Variants in CNTN5 observed in about 807,000 individuals in gnomAD.
CNTN5 encodes contactin 5.
Under a neutral mutation model 129.1 loss-of-function variants are expected in CNTN5, and 77 were observed. The ratio of observed to expected loss-of-function variants is 0.60; its 90% CI spans 0.50 to 0.72. The LOEUF is 0.72. Ranked by LOEUF, CNTN5 falls within the 30% of genes least tolerant of loss-of-function variation. The pLI is 0.00. For synonymous variants in CNTN5, 509 were observed against 465.6 expected (o/e 1.09, Z -1.20); for missense variants, 1,478 against 1,328.8 (o/e 1.11, Z -1.75).
chr11:99,047,014 A>T (rs1307560719), intron 1 of CNTN5, among the ~76,000 whole-genome samples: 2 of 151,940 alleles, frequency 1.3e-5, no homozygotes, highest in African/African-American at 4.8e-5. Context: ...TATATTTATA[A>T]TATACATTTT....
chr11:100,354,639 T>C (rs948285457), intron 24 of CNTN5, among the ~76,000 whole-genome samples: 7 of 151,672 alleles, frequency 4.6e-5, no homozygotes, highest in African/African-American at 1.7e-4. Flanking sequence ...ATAAGTTCTA[T>C]TAAATGCATC....
intron 2 of CNTN5, among the ~76,000 whole-genome samples, chr11:99,422,037 T>A (rs1942910613): frequency 6.6e-6 from 1 of 152,114 alleles, no homozygotes. Context: ...CTACCCTCAC[T>A]AGGTAATTGC....
At chr11:99,764,566 A>C (rs2845952) in intron 3 of CNTN5, among the ~76,000 whole-genome samples, 23 of 151,766 alleles carry the variant, frequency 1.5e-4, no homozygotes, top group Non-Finnish European at 2.7e-4. Context: ...ATAGGCATGC[A>C]CCACCATACC....
intron 1 of CNTN5, among the ~76,000 whole-genome samples, chr11:99,228,954 C>CATT (rs879266195): frequency 0.017 from 2,639 of 151,792 alleles, 42 homozygotes; most frequent in African/African-American, 0.038. Context: ...ATATTTTATC[C>CATT]TTGCTTGTAT....
At chr11:99,070,579 T>A (rs1046867053) in intron 1 of CNTN5, among the ~76,000 whole-genome samples, 4 of 151,940 alleles carry the variant, frequency 2.6e-5, no homozygotes, top group Non-Finnish European at 5.9e-5. Flanking sequence ...ACTTTTACAA[T>A]AAATGAGATC....
Position 100,100,225 on chromosome 11 carries a change from CCT to C in CNTN5, c.1580+25932_1580+25933del, listed in dbSNP as rs1945172928. On this transcript the variant is annotated intron_variant, in intron 13 of 24. Coordinates refer to ENST00000524871, the MANE Select transcript of CNTN5 (RefSeq NM_014361.4). ...GATCTGAAGTGCTTTTGTTTGAGGC[CCT>C]GTGTTTTTGTGTTTGTGTATGTCAT... is the stretch of plus-strand genomic sequence containing the variant. Among the ~76,000 whole-genome samples the C allele has an allele frequency of 3.3e-5, 5 of 152,064 alleles. No homozygotes were observed. The South Asian group carries it at 1.0e-3, about 32-fold the overall frequency.
chr11:100,188,510 A>G (rs773521800), intron 13 of CNTN5, among the ~76,000 whole-genome samples: 2 of 152,174 alleles, frequency 1.3e-5, no homozygotes, highest in Non-Finnish European at 2.9e-5. Context: ...ACTAATTGTC[A>G]GAGAAATGCA....
chr11:100,179,729 T>C (rs528834859), intron 13 of CNTN5, among the ~76,000 whole-genome samples: 116 of 152,160 alleles, frequency 7.6e-4, no homozygotes, highest in African/African-American at 2.7e-3. Flanking sequence ...TATAACCATA[T>C]TGAACTAAAA....
intron 1 of CNTN5, among the ~76,000 whole-genome samples, chr11:99,252,779 A>G (rs1213744697): frequency 6.6e-6 from 1 of 151,938 alleles, no homozygotes; most frequent in African/African-American, 2.4e-5. Flanking sequence ...CTGAATTGAT[A>G]TTTCTTTATA....
chr11:99,487,551 C>T (rs185597204), intron 2 of CNTN5, among the ~76,000 whole-genome samples: 147 of 151,374 alleles, frequency 9.7e-4, no homozygotes, highest in Non-Finnish European at 1.7e-3. Flanking sequence ...CAAAATCAAA[C>T]GTAATAGTCT....
chr11:99,778,933 T>C (rs143763139), intron 3 of CNTN5, among the ~76,000 whole-genome samples: 41 of 151,968 alleles, frequency 2.7e-4, no homozygotes, highest in African/African-American at 8.9e-4. Flanking sequence ...TAATTCTATA[T>C]AAGTAGGTGT....
At chr11:99,829,872 C>T (rs969971151) in intron 4 of CNTN5, among the ~76,000 whole-genome samples, 25 of 152,206 alleles carry the variant, frequency 1.6e-4, no homozygotes, top group East Asian at 3.9e-4. Flanking sequence ...TATATGCTTT[C>T]GGGGGACATA....
intron 3 of CNTN5, among the ~76,000 whole-genome samples, chr11:99,739,322 T>G (rs1397658308): frequency 2.0e-5 from 3 of 152,120 alleles, no homozygotes; most frequent in Non-Finnish European, 4.4e-5. Context: ...AATGATAGGG[T>G]TGACACTCAA....
rs71463577 is a variant in CNTN5, at chr11:99,452,372, G to GTTTT, written c.-70-103758_-70-103755dup. On this transcript the variant is annotated intron_variant, in intron 2 of 24. Coordinates refer to ENST00000524871, the MANE Select transcript of CNTN5 (RefSeq NM_014361.4). Reference sequence around the variant, plus strand: ...TTGAAGTTTATATCTAAACACAGGTGTTTTTTTTTTTTTTTTTTGGGACGG... The same window carrying GTTTT: ...TTGAAGTTTATATCTAAACACAGGTGTTTTTTTTTTTTTTTTTTTTTTGGGACGG... Among the ~76,000 whole-genome samples the GTTTT allele has an allele frequency of 2.1e-3, 218 of 104,346 alleles. 10 individuals carry two copies. The highest frequency in any genetic ancestry group is 3.2e-3 in the East Asian group (10 of 3,160). The allele number at this position is 104,346 out of a possible 152,430, so 68.5% of individuals were successfully genotyped here.
chr11:100,283,909 G>A (rs1441061015), intron 18 of CNTN5, among the ~76,000 whole-genome samples: 1 of 152,080 alleles, frequency 6.6e-6, no homozygotes, highest in Non-Finnish European at 1.5e-5. Context: ...TCGGGCCATT[G>A]CACTCCATCC....
At chr11:99,986,178 T>C (rs1400241610) in intron 8 of CNTN5, among the ~76,000 whole-genome samples, 1 of 152,150 alleles carries the variant, frequency 6.6e-6, no homozygotes. Context: ...TGAGATTACA[T>C]AGTCACTTAT....
intron 4 of CNTN5, among the ~76,000 whole-genome samples, chr11:99,842,671 T>C (rs1469468017): frequency 1.3e-5 from 2 of 152,312 alleles, no homozygotes; most frequent in African/African-American, 2.4e-5. Context: ...GGGTTTTTTT[T>C]CCCACAGCGT....
At chr11:99,038,134 T>G (rs11218142) in intron 1 of CNTN5, among the ~76,000 whole-genome samples, 1,858 of 152,206 alleles carry the variant, frequency 0.012, 40 homozygotes, top group African/African-American at 0.042. Flanking sequence ...CAGAGTGAGC[T>G]CTCAGTTAAG....
chr11:99,539,550 TGTAA>T (rs571246243), intron 2 of CNTN5, among the ~76,000 whole-genome samples: 82 of 152,152 alleles, frequency 5.4e-4, no homozygotes, highest in African/African-American at 9.4e-4. Flanking sequence ...ATTTATTTCA[TGTAA>T]GTATCATAAA....
Sources: gnomAD v4.1 joint callset for allele counts (sites outside exome capture counted in the v4.1 genomes callset) on GRCh38, gnomAD v4.1.1 for gene constraint, MANE v1.5 for transcripts, NCBI Gene and HGNC (gene_info 2026-07-23, HGNC 2026-07-21) for gene names.